The following ZCCHC7 variants were observed in gnomAD, a reference collection of about 807,000 sequenced individuals.
ZCCHC7 encodes the protein zinc finger CCHC-type containing 7, also known as zinc finger CCHC domain-containing protein 7.
A neutral mutation model predicts 52.0 loss-of-function variants in ZCCHC7; 35 were observed. The observed-to-expected ratio is 0.67, with a 90% CI of 0.51 to 0.89. ZCCHC7 has a LOEUF of 0.89. Ranked by LOEUF, ZCCHC7 falls within the 40% of genes least tolerant of loss-of-function variation. ZCCHC7 has a pLI of 0.00. For synonymous variants in ZCCHC7, 217 were observed against 221.5 expected, an observed-to-expected ratio of 0.98 and a Z score of 0.18; for missense variants, 574 against 649.1, an observed-to-expected ratio of 0.88 and a Z score of 1.26.
intron 2 of ZCCHC7, among the ~76,000 whole-genome samples, chr9:37,286,607 C>T (rs905039047): frequency 6.6e-6 from 1 of 151,492 alleles, no homozygotes; most frequent in African/African-American, 2.4e-5. Context: ...CAAGATCACA[C>T]CACTACACTC....
chr9:37,212,611 C>T (rs898481380), intron 2 of ZCCHC7, among the ~76,000 whole-genome samples: 2 of 152,146 alleles, frequency 1.3e-5, no homozygotes, highest in African/African-American at 4.8e-5. Flanking sequence ...AACTCTAAGG[C>T]TCTGGTATCA....
At chr9:37,199,774 C>T (rs994041677) in intron 2 of ZCCHC7, among the ~76,000 whole-genome samples, 1 of 151,952 alleles carries the variant, frequency 6.6e-6, no homozygotes. Flanking sequence ...GGCGCGATCT[C>T]GGCTCACTGC....
At chr9:37,191,206 G>GT (rs1255972839) in intron 2 of ZCCHC7, among the ~76,000 whole-genome samples, 1 of 152,104 alleles carries the variant, frequency 6.6e-6, no homozygotes, top group Admixed American at 6.5e-5. Flanking sequence ...TATGGAAAAA[G>GT]TAATTTTACC....
chr9:37,227,094 A>G (rs1223420600), intron 2 of ZCCHC7, among the ~76,000 whole-genome samples: 3 of 152,138 alleles, frequency 2.0e-5, no homozygotes, highest in African/African-American at 7.2e-5. Flanking sequence ...ATTTGATACA[A>G]AAGGCACAAG....
At chr9:37,131,905 T>C (rs1180426451) in intron 2 of ZCCHC7, among the ~76,000 whole-genome samples, 7 of 152,214 alleles carry the variant, frequency 4.6e-5, no homozygotes, top group African/African-American at 9.6e-5. Context: ...TAAATTCATG[T>C]CAAAACATAG....
intron 2 of ZCCHC7, among the ~76,000 whole-genome samples, chr9:37,211,260 TG>T (rs779979538): frequency 6.6e-6 from 1 of 152,202 alleles, no homozygotes; most frequent in Non-Finnish European, 1.5e-5. Flanking sequence ...AGTCTTGAAT[TG>T]GGTCATAATT....
At chr9:37,293,262 A>G (rs1241021494) in intron 2 of ZCCHC7, among the ~76,000 whole-genome samples, 1 of 152,198 alleles carries the variant, frequency 6.6e-6, no homozygotes, top group African/African-American at 2.4e-5. Context: ...TATAGGAAAA[A>G]AGCAAATTGT....
intron 2 of ZCCHC7, among the ~76,000 whole-genome samples, chr9:37,243,624 T>C (rs962842424): frequency 1.5e-4 from 23 of 151,842 alleles, no homozygotes; most frequent in Admixed American, 1.4e-3. Flanking sequence ...TACTAAACTC[T>C]TACAAAGCCA....
intron 2 of ZCCHC7, among the ~76,000 whole-genome samples, chr9:37,222,228 A>G (rs1824851817): frequency 6.6e-6 from 1 of 151,848 alleles, no homozygotes; most frequent in Non-Finnish European, 1.5e-5. Context: ...AAAAAAAAAC[A>G]AATGGTGACG....
intron 2 of ZCCHC7, among the ~76,000 whole-genome samples, chr9:37,150,904 T>C (rs1234122941): frequency 3.9e-5 from 6 of 151,952 alleles, no homozygotes; most frequent in African/African-American, 9.7e-5. Flanking sequence ...GTGTTTTCTG[T>C]GAATCTCTGT....
chr9:37,284,747 A>T (rs914161177), intron 2 of ZCCHC7, among the ~76,000 whole-genome samples: 1 of 152,204 alleles, frequency 6.6e-6, no homozygotes. Context: ...ATTCATGTGT[A>T]TTTAACCTCA....
At chr9:37,235,959 G>A (rs1588528199) in intron 2 of ZCCHC7, among the ~76,000 whole-genome samples, 1 of 152,006 alleles carries the variant, frequency 6.6e-6, no homozygotes, top group Non-Finnish European at 1.5e-5. Context: ...CTGTTCCTCT[G>A]TTGGTGGGCA....
At chr9:37,174,897 G>A (rs1821932871) in intron 2 of ZCCHC7, among the ~76,000 whole-genome samples, 1 of 151,958 alleles carries the variant, frequency 6.6e-6, no homozygotes. Context: ...AGCACTTTGG[G>A]AGGCCGAGGC....
intron 2 of ZCCHC7, among the ~76,000 whole-genome samples, chr9:37,210,753 A>G (rs536847113): frequency 1.9e-4 from 29 of 152,144 alleles, no homozygotes; most frequent in Non-Finnish European, 3.7e-4. Flanking sequence ...GAAGCCTCTT[A>G]GGCATTCCCT....
At chr9:37,350,129 T>TG (rs1388252815) in intron 7 of ZCCHC7, among the ~76,000 whole-genome samples, 2 of 125,024 alleles carry the variant, frequency 1.6e-5, no homozygotes, top group African/African-American at 7.0e-5. Flanking sequence ...GTTTTTTTTT[T>TG]TTTTGGTTTT....
chr9:37,146,554 G>T (rs1441829263), intron 2 of ZCCHC7, among the ~76,000 whole-genome samples: 1 of 151,918 alleles, frequency 6.6e-6, no homozygotes, highest in African/African-American at 2.4e-5. Flanking sequence ...AAAACGTGTG[G>T]TAGCTGTATT....
At chr9:37,209,373 C>T (rs1824091210) in intron 2 of ZCCHC7, among the ~76,000 whole-genome samples, 1 of 151,970 alleles carries the variant, frequency 6.6e-6, no homozygotes, top group African/African-American at 2.4e-5. Flanking sequence ...ATATTCCTGT[C>T]TTAGAGCTTT....
intron 2 of ZCCHC7, among the ~76,000 whole-genome samples, chr9:37,166,184 C>T (rs2132944849): frequency 6.6e-6 from 1 of 152,098 alleles, no homozygotes; most frequent in East Asian, 1.9e-4. Flanking sequence ...ATCACGAGGT[C>T]AGGAGTTCGA....
intron 2 of ZCCHC7, among the ~76,000 whole-genome samples, chr9:37,271,552 A>G (rs1343400138): frequency 6.6e-6 from 1 of 152,114 alleles, no homozygotes; most frequent in Non-Finnish European, 1.5e-5. Context: ...TTACATTTAA[A>G]AGAGTCCTTA....
Sources: gnomAD v4.1 joint callset for allele counts (sites outside exome capture counted in the v4.1 genomes callset) on GRCh38, gnomAD v4.1.1 for gene constraint, MANE v1.5 for transcripts, NCBI Gene and HGNC (gene_info 2026-07-23, HGNC 2026-07-21) for gene names.